GPC6: variants seen among roughly 807,000 people sequenced by gnomAD.
The protein encoded by GPC6 is glypican 6.
A neutral mutation model predicts 55.2 loss-of-function variants in GPC6; 14 were observed. That is an observed-to-expected ratio of 0.25 (90% CI 0.17 to 0.40). The LOEUF (loss-of-function observed/expected upper bound fraction) is 0.40. Ranked by LOEUF, GPC6 falls within the 10% of genes least tolerant of loss-of-function variation. GPC6 has a pLI of 1.00. For synonymous variants in GPC6, 278 were observed against 259.6 expected (o/e 1.07, Z -0.68); for missense variants, 641 against 708.5 (o/e 0.90, Z 1.08).
intron 3 of GPC6, among the ~76,000 whole-genome samples, chr13:93,977,882 G>A (rs1223296904): frequency 6.6e-6 from 1 of 152,130 alleles, no homozygotes; most frequent in Non-Finnish European, 1.5e-5. Flanking sequence ...TTTACTATTT[G>A]CTTTCTCCCT....
chr13:93,430,779 G>A (rs932377909), intron 1 of GPC6, among the ~76,000 whole-genome samples: 6 of 152,136 alleles, frequency 3.9e-5, no homozygotes, highest in Admixed American at 2.6e-4. Flanking sequence ...AGTTTTATGT[G>A]TATAGAGAAG....
chr13:93,454,058 G>GT (rs1209957094), intron 1 of GPC6, among the ~76,000 whole-genome samples: 6 of 152,104 alleles, frequency 3.9e-5, no homozygotes, highest in African/African-American at 1.2e-4. Context: ...CACCAGATTA[G>GT]TTAGATACAG....
At chr13:93,400,898 A>G (rs1053112066) in intron 1 of GPC6, among the ~76,000 whole-genome samples, 3 of 152,126 alleles carry the variant, frequency 2.0e-5, no homozygotes, top group African/African-American at 4.8e-5. Context: ...GGGATGGGTT[A>G]CAGTTTGCCA....
chr13:93,630,786 T>TA (rs1231963761), intron 2 of GPC6, among the ~76,000 whole-genome samples: 1 of 152,170 alleles, frequency 6.6e-6, no homozygotes, highest in Non-Finnish European at 1.5e-5. Flanking sequence ...TCTTTTAGCA[T>TA]AAATGCCTTC....
At chr13:93,309,364 TA>T (rs1878984384) in intron 1 of GPC6, among the ~76,000 whole-genome samples, 2 of 152,044 alleles carry the variant, frequency 1.3e-5, no homozygotes, top group Non-Finnish European at 2.9e-5. Context: ...ATGATGTTGC[TA>T]TTTTTTTGGT....
intron 2 of GPC6, among the ~76,000 whole-genome samples, chr13:93,676,106 TAAAAAAAAAAAAA>T (rs760322815): frequency 1.7e-4 from 4 of 23,122 alleles, no homozygotes; most frequent in Non-Finnish European, 1.2e-4. Flanking sequence ...CTGTTTCTAC[TAAAAAAAAAAAAA>T]AAAAAAAATA....
chr13:93,592,223 C>T (rs1877520863), intron 2 of GPC6, among the ~76,000 whole-genome samples: 1 of 151,512 alleles, frequency 6.6e-6, no homozygotes. Context: ...GTTGCTCTGT[C>T]AACCGGGCTG....
At chr13:94,077,409 T>C (rs1296894837) in intron 4 of GPC6, among the ~76,000 whole-genome samples, 1 of 151,908 alleles carries the variant, frequency 6.6e-6, no homozygotes, top group Non-Finnish European at 1.5e-5. Context: ...TAAAATCATG[T>C]CATTTGCATA....
intron 5 of GPC6, among the ~76,000 whole-genome samples, chr13:94,287,273 A>C (rs1226625030): frequency 7.9e-5 from 12 of 152,210 alleles, no homozygotes; most frequent in Admixed American, 7.9e-4. Flanking sequence ...AATCTATATC[A>C]GTCCTTTAAA....
chr13:93,406,382 G>C (rs1594147635), intron 1 of GPC6, among the ~76,000 whole-genome samples: 1 of 152,232 alleles, frequency 6.6e-6, no homozygotes, highest in East Asian at 1.9e-4. Context: ...TGAGTTGTTG[G>C]TAGCGCCTGG....
At chr13:93,229,307 ACTT>A (rs1380507720) in intron 1 of GPC6, among the ~76,000 whole-genome samples, 5 of 151,914 alleles carry the variant, frequency 3.3e-5, no homozygotes, top group Admixed American at 6.6e-5. Flanking sequence ...AGTATGGATC[ACTT>A]CTTCTAGGAA....
At chr13:93,934,494 A>G (rs979987206) in intron 3 of GPC6, among the ~76,000 whole-genome samples, 2 of 152,114 alleles carry the variant, frequency 1.3e-5, no homozygotes, top group African/African-American at 4.8e-5. Flanking sequence ...ACACTATACA[A>G]TTCTATGGCA....
intron 1 of GPC6, among the ~76,000 whole-genome samples, chr13:93,518,390 T>G (rs569126889): frequency 6.6e-6 from 1 of 152,022 alleles, no homozygotes; most frequent in South Asian, 2.1e-4. Context: ...GCTTCTCCAC[T>G]TTTCCAATCT....
chr13:93,613,541 A>G (rs1309063223), intron 2 of GPC6, among the ~76,000 whole-genome samples: 2 of 151,238 alleles, frequency 1.3e-5, no homozygotes, highest in Non-Finnish European at 2.9e-5. Flanking sequence ...ACACACACAC[A>G]CACACACACA....
chr13:93,846,819 C>T (rs746698372), intron 3 of GPC6, among the ~76,000 whole-genome samples: 32 of 152,076 alleles, frequency 2.1e-4, no homozygotes, highest in Non-Finnish European at 4.7e-4. Context: ...GTGCTTATAG[C>T]ACATTTGGGG....
At chr13:94,027,604 T>A in intron 3 of GPC6, 125 bp from the exon 4 acceptor site, 1 of 839,914 alleles carries the variant, frequency 1.2e-6, no homozygotes, top group Non-Finnish European at 2.0e-6. Context: ...ATTGGATGGA[T>A]TCAAGATCAG....
intron 7 of GPC6, among the ~76,000 whole-genome samples, chr13:94,393,698 A>T (rs1198523272): frequency 6.6e-6 from 1 of 151,418 alleles, no homozygotes; most frequent in Non-Finnish European, 1.5e-5. Flanking sequence ...GATTCATGAC[A>T]CCCCCACCAA....
At chr13:93,651,127 A>C (rs1880389992) in intron 2 of GPC6, among the ~76,000 whole-genome samples, 1 of 152,212 alleles carries the variant, frequency 6.6e-6, no homozygotes, top group African/African-American at 2.4e-5. Context: ...TTTTGTTTGG[A>C]TAAATAAAGC....
At chr13:93,490,558 G>T in intron 1 of GPC6, among the ~76,000 whole-genome samples, 2 of 105,562 alleles carry the variant, frequency 1.9e-5, no homozygotes, top group African/African-American at 3.6e-5. Context: ...TAGGGTACAT[G>T]TGCACGTTGT....
Sources: allele counts gnomAD v4.1 joint callset (sites outside exome capture counted in the v4.1 genomes callset), GRCh38; gene constraint gnomAD v4.1.1; transcripts MANE v1.5; gene names NCBI Gene and HGNC (gene_info 2026-07-23, HGNC 2026-07-21).